SERINC3: variants seen among roughly 807,000 people sequenced by gnomAD.
The protein encoded by SERINC3 is serine incorporator 3, also known as tumor differentially expressed protein 1.
Under a neutral mutation model 52.1 loss-of-function variants are expected in SERINC3, and 22 were observed. That is an observed-to-expected ratio of 0.42 (90% CI 0.30 to 0.60). The LOEUF (loss-of-function observed/expected upper bound fraction) is 0.60, where lower values mean the gene tolerates loss of function less well. SERINC3 is among the 20% of genes least tolerant of loss of function. The pLI is 0.16. For synonymous variants in SERINC3, 226 were observed against 212.7 expected, an observed-to-expected ratio of 1.06 and a Z score of -0.54; for missense variants, 564 against 584.6, an observed-to-expected ratio of 0.96 and a Z score of 0.36.
At chr20:44,516,152 AT>A (rs1466943454) in intron 1 of SERINC3, among the ~76,000 whole-genome samples, 1 of 151,900 alleles carries the variant, frequency 6.6e-6, no homozygotes, top group Non-Finnish European at 1.5e-5. Flanking sequence ...AAATACAAAA[AT>A]TAGCCGGGTG....
chr20:44,520,791 T>C (rs1318823570), intron 1 of SERINC3, among the ~76,000 whole-genome samples: 2 of 152,202 alleles, frequency 1.3e-5, no homozygotes, highest in Non-Finnish European at 2.9e-5. Context: ...TAAAATACTT[T>C]TATAATAAAC....
rs531062881 is a variant in SERINC3 at position 44,515,951 on chromosome 20, G to A, written c.40-1911C>T. On this transcript the variant is annotated intron_variant, in intron 1 of 9. Coordinates refer to ENST00000342374, the MANE Select transcript of SERINC3 (RefSeq NM_006811.4). ...ATTACAGGCGTGAGATACTGCACCCGGCCCACTAAACATTTTGAAATGGTT... is the reference window on the plus strand; with the variant it reads ...ATTACAGGCGTGAGATACTGCACCCAGCCCACTAAACATTTTGAAATGGTT... Among the ~76,000 whole-genome samples the A allele has an allele frequency of 1.6e-4, 24 of 152,070 alleles. No individual in the cohort carries two copies. In the South Asian group the frequency reaches 2.7e-3, roughly 17 times the overall value.
intron 1 of SERINC3, among the ~76,000 whole-genome samples, chr20:44,515,214 C>T (rs1014973964): frequency 6.6e-5 from 10 of 151,992 alleles, no homozygotes; most frequent in South Asian, 4.2e-4. Context: ...ATTATCCGGG[C>T]GTGGTGGCTC....
rs1185138202 is a variant in SERINC3, at chr20:44,506,958, T to C, written c.652A>G (p.Ile218Val). Residue 218 changes from isoleucine to valine, a missense_variant, in exon 6 of 10, where the codon ATC (isoleucine) becomes GTC (valine). Transcript: ENST00000342374. The stretch of plus-strand genomic sequence containing the variant: ...GTATAGAGCAGCCCGACACAGATGA[T>C]TGACAGGATATAAAAGGCGCTTGTG... The part of the protein sequence containing the change: ...SFTSAFYILS[I>V]ICVGLLYTYY... 5 of 1,607,582 alleles carry C rather than the reference T, an allele frequency of 3.1e-6. No homozygotes were observed. The African/African-American group carries it at 4.0e-5, about 13-fold the overall frequency.
In SERINC3 at chr20:44,513,036, T is replaced by C. The variant is rs764357421; in HGVS notation, c.202-42A>G. The C allele has an allele frequency of 2.9e-6, 4 of 1,371,884 alleles. No homozygotes were observed. In the East Asian group the frequency reaches 8.0e-5, roughly 27 times the overall value. The allele number at this position is 1,371,884 out of a possible 1,614,324, so 85.0% of individuals were successfully genotyped here. A position where few individuals can be genotyped will look rare whatever the true frequency, so the allele number is the denominator to read the frequency against. On this transcript the variant is annotated intron_variant, in intron 2 of 9. Transcript: ENST00000342374. ...TCAATGTTACGAGAATATCTACATT[T>C]AGACAGAGACTCTAACCCACTGCAG...
chr20:44,505,224 T>TA (rs1430719510), intron 6 of SERINC3, among the ~76,000 whole-genome samples: 1 of 152,232 alleles, frequency 6.6e-6, no homozygotes, highest in Non-Finnish European at 1.5e-5. Flanking sequence ...GCCTATCACT[T>TA]CTTTGAGACT....
chr20:44,517,162 G>T (rs890492342), intron 1 of SERINC3, among the ~76,000 whole-genome samples: 2 of 152,154 alleles, frequency 1.3e-5, no homozygotes, highest in African/African-American at 2.4e-5. Flanking sequence ...ATTGAGCAAA[G>T]AATGAGATGA....
chr20:44,508,730 T>C (rs1455127474), intron 5 of SERINC3, among the ~76,000 whole-genome samples: 2 of 152,134 alleles, frequency 1.3e-5, no homozygotes, highest in Non-Finnish European at 2.9e-5. Context: ...ATTCATCATG[T>C]AGGAAGTGAA....
In SERINC3 at chr20:44,500,272, G is replaced by T; in HGVS notation, c.*24C>A. ...GTGAAGGAGACCTTTGTGAGTTCCA[G>T]TGGTGTCCTTGGCACTCAGAGGTTC... On this transcript the variant is annotated 3_prime_UTR_variant, in exon 10 of 10. Coordinates refer to ENST00000342374, the MANE Select transcript of SERINC3 (RefSeq NM_006811.4). 6.2e-7 allele frequency: 1 copy of T among 1,604,976 alleles called. No homozygotes were observed. Among genetic ancestry groups the T allele is most frequent in the South Asian group, 1.1e-5 (1 of 89,652 alleles).
At position 44,513,067 on chromosome 20, in the gene SERINC3, C is replaced by A. The variant is rs1600816498; in HGVS notation, c.202-73G>T. The A allele has an allele frequency of 6.6e-6, 7 of 1,066,872 alleles. No homozygotes were observed. In the East Asian group the frequency reaches 2.0e-4, roughly 31 times the overall value. 66.1% of individuals were successfully genotyped at this position (1,066,872 alleles called of 1,614,324 possible). A position where few individuals can be genotyped will look rare whatever the true frequency, so the allele number is the denominator to read the frequency against. On this transcript the variant is annotated intron_variant, in intron 2 of 9. Transcript: ENST00000342374. ...GAGACTCTAACCCACTGCAGGAAAG[C>A]CTGGATTTAGAAAATTAACTACTTC...
At position 44,521,318 on chromosome 20, in the gene SERINC3, T is replaced by A. The variant is rs138962553; in HGVS notation, c.39+595A>T. Among the ~76,000 whole-genome samples the A allele has an allele frequency of 3.9e-5, 6 of 152,326 alleles. No homozygotes were observed. In the East Asian group the frequency reaches 9.6e-4, roughly 24 times the overall value. On this transcript the variant is annotated intron_variant, in intron 1 of 9. Transcript: ENST00000342374. ...TTAAACCTTCACTTCACTGTCACAA[T>A]CGTTCTCGAAGAGAGGAATGCTGGG...
chr20:44,517,269 G>A (rs2064386373), intron 1 of SERINC3, among the ~76,000 whole-genome samples: 1 of 152,152 alleles, frequency 6.6e-6, no homozygotes, highest in Non-Finnish European at 1.5e-5. Context: ...AATAGCAATG[G>A]GAAATTGACC....
At chr20:44,504,486 T>A (rs1274404138) in intron 7 of SERINC3, among the ~76,000 whole-genome samples, 1 of 152,164 alleles carries the variant, frequency 6.6e-6, no homozygotes, top group Non-Finnish European at 1.5e-5. Flanking sequence ...GACATCAAAC[T>A]AAAATTCAGT....
intron 6 of SERINC3, among the ~76,000 whole-genome samples, chr20:44,506,584 CAAAAAAAAAAAAAA>C (rs1191331026): frequency 4.2e-4 from 6 of 14,254 alleles, no homozygotes; most frequent in Admixed American, 9.2e-4. Flanking sequence ...GACTCCATCT[CAAAAAAAAAAAAAA>C]AAAAAAAAAA....
chr20:44,506,721 G>T, intron 6 of SERINC3, 106 bp downstream of exon 6: 1 of 559,318 alleles, frequency 1.8e-6, no homozygotes, highest in Non-Finnish European at 2.7e-6. Flanking sequence ...ATGGAAAAAT[G>T]TTCAAGTGGA....
chr20:44,501,009 A>G, intron 9 of SERINC3, 64 bp downstream of exon 9: 1 of 1,199,730 alleles, frequency 8.3e-7, no homozygotes, highest in South Asian at 1.2e-5. Context: ...AGGACAATGG[A>G]TGAGATTTTA....
intron 3 of SERINC3, among the ~76,000 whole-genome samples, 153 bp from the exon 4 acceptor site, chr20:44,511,521 G>A (rs1404982453): frequency 6.6e-6 from 1 of 151,972 alleles, no homozygotes; most frequent in Non-Finnish European, 1.5e-5. Context: ...TCATTTAATA[G>A]GCTAATTCAT....
At chr20:44,513,104 G>A in intron 2 of SERINC3, 110 bp from the exon 3 acceptor site, 1 of 596,598 alleles carries the variant, frequency 1.7e-6, no homozygotes, top group Non-Finnish European at 2.8e-6. Context: ...ACAACTGCAA[G>A]ACTGACTATG....
chr20:44,504,906 G>A lies in SERINC3; in HGVS notation c.784-15C>T. On this transcript the variant is annotated splice_polypyrimidine_tract_variant and intron_variant, in intron 6 of 9. Transcript: ENST00000342374. ...GGCTGGTGTTCCTATGGAATCAAAA[G>A]GAAAACAGTGGCACAGGGACTGCCA... The A allele has an allele frequency of 6.2e-7, 1 of 1,606,338 alleles. No homozygotes were observed. The highest frequency in any genetic ancestry group is 8.5e-7 in the Non-Finnish European group (1 of 1,173,662).
Sources: allele counts gnomAD v4.1 joint callset (sites outside exome capture counted in the v4.1 genomes callset), GRCh38; gene constraint gnomAD v4.1.1; transcripts MANE v1.5; gene names NCBI Gene and HGNC (gene_info 2026-07-23, HGNC 2026-07-21).